The following FBXL20 variants were observed in gnomAD, a reference collection of about 807,000 sequenced individuals.
The protein encoded by FBXL20 is F-box and leucine rich repeat protein 20.
FBXL20 carries 11 observed loss-of-function variants against 64.0 expected under a neutral mutation model. The observed-to-expected ratio is 0.17, with a 90% CI of 0.11 to 0.28. The LOEUF (loss-of-function observed/expected upper bound fraction) is 0.28. Among genes scored for constraint, FBXL20 ranks in the 10% least tolerant of loss-of-function variants. FBXL20 has a pLI of 1.00. For missense variants in FBXL20, 303 were observed against 526.2 expected, an observed-to-expected ratio of 0.58 and a Z score of 4.15; for synonymous variants, 184 against 189.0, an observed-to-expected ratio of 0.97 and a Z score of 0.22.
intron 9 of FBXL20, among the ~76,000 whole-genome samples, chr17:39,275,915 A>C (rs912545313): frequency 6.6e-6 from 1 of 152,102 alleles, no homozygotes; most frequent in Non-Finnish European, 1.5e-5. Flanking sequence ...TTATAGATAA[A>C]AGAGTTGTAT....
chr17:39,317,970 GATT>G (rs907586440), intron 2 of FBXL20, among the ~76,000 whole-genome samples: 18 of 152,180 alleles, frequency 1.2e-4, no homozygotes, highest in African/African-American at 4.3e-4. Flanking sequence ...AAAGTGCTGG[GATT>G]ACAGGCGTGA....
intron 2 of FBXL20, among the ~76,000 whole-genome samples, chr17:39,335,341 C>T (rs1042089910): frequency 6.6e-6 from 1 of 151,620 alleles, no homozygotes; most frequent in Non-Finnish European, 1.5e-5. Context: ...TGGGTTGATG[C>T]ACCTAAACAA....
chr17:39,356,624 A>G (rs2047743653), intron 1 of FBXL20, among the ~76,000 whole-genome samples: 1 of 151,806 alleles, frequency 6.6e-6, no homozygotes, highest in Admixed American at 6.6e-5. Context: ...CCAGGCGGCT[A>G]GGATTATAGG....
intron 10 of FBXL20, among the ~76,000 whole-genome samples, chr17:39,271,467 G>A (rs754002222): frequency 7.2e-5 from 11 of 151,834 alleles, no homozygotes; most frequent in African/African-American, 2.4e-5. Flanking sequence ...GCGTGGTGGC[G>A]GGTGCCTGTA....
At chr17:39,387,033 A>AT (rs1263516305) in intron 1 of FBXL20, among the ~76,000 whole-genome samples, 1 of 152,184 alleles carries the variant, frequency 6.6e-6, no homozygotes, top group African/African-American at 2.4e-5. Context: ...TTAACTTAAG[A>AT]TTTTTTGACG....
Position 39,372,046 on chromosome 17 carries a change from G to A in FBXL20, c.43-28805C>T, listed in dbSNP as rs79604573. Reference sequence around the variant, plus strand: ...AATCATGACCTGCCTCTTGCCAGTAGTCTCCTGAAGCACTTGGGTTTGACC... The same window carrying A: ...AATCATGACCTGCCTCTTGCCAGTAATCTCCTGAAGCACTTGGGTTTGACC... On this transcript the variant is annotated intron_variant, in intron 1 of 14. Transcript: ENST00000264658. Among the ~76,000 whole-genome samples, 1,204 of 152,194 alleles carry A rather than the reference G, an allele frequency of 7.9e-3. 15 individuals are homozygous for A. Among genetic ancestry groups the A allele is most frequent in the African/African-American group, 0.028 (1,158 of 41,520 alleles).
At chr17:39,269,582 T>G (rs1341968018) in intron 11 of FBXL20, among the ~76,000 whole-genome samples, 1 of 142,690 alleles carries the variant, frequency 7.0e-6, no homozygotes, top group Admixed American at 7.4e-5. Context: ...CACTGCAACC[T>G]CCGCCTCCCG....
chr17:39,391,022 G>A (rs150212291), intron 1 of FBXL20, among the ~76,000 whole-genome samples: 45 of 152,234 alleles, frequency 3.0e-4, no homozygotes, highest in African/African-American at 8.9e-4. Flanking sequence ...CAGCTTGTGC[G>A]ACAGAGCAAG....
At chr17:39,358,937 C>T (rs1205828407) in intron 1 of FBXL20, among the ~76,000 whole-genome samples, 2 of 152,012 alleles carry the variant, frequency 1.3e-5, no homozygotes, top group African/African-American at 2.4e-5. Context: ...TACAAGGGAC[C>T]GATAAGCACA....
At chr17:39,304,427 A>G (rs1215165979) in intron 2 of FBXL20, among the ~76,000 whole-genome samples, 1 of 152,128 alleles carries the variant, frequency 6.6e-6, no homozygotes, top group East Asian at 1.9e-4. Context: ...AGCTGGGATA[A>G]CAGGCACATG....
intron 3 of FBXL20, among the ~76,000 whole-genome samples, chr17:39,302,086 T>C (rs956511931): frequency 1.3e-5 from 2 of 152,028 alleles, no homozygotes; most frequent in Non-Finnish European, 2.9e-5. Flanking sequence ...CTTAAAAATA[T>C]GATCCTTAAA....
chr17:39,287,732 T>C (rs2047001320), intron 6 of FBXL20, among the ~76,000 whole-genome samples: 2 of 152,086 alleles, frequency 1.3e-5, no homozygotes, highest in Non-Finnish European at 2.9e-5. Context: ...GGTAGAGTCC[T>C]AGGAATGAAA....
At chr17:39,302,650 G>A (rs973010339) in intron 3 of FBXL20, among the ~76,000 whole-genome samples, 2 of 152,170 alleles carry the variant, frequency 1.3e-5, no homozygotes, top group African/African-American at 2.4e-5. Flanking sequence ...TGGGATTACA[G>A]GCGTGAGCCA....
chr17:39,280,399 CTCAAAAAAAAAAAAAAAAAAAAAG>C (rs1241782297), intron 9 of FBXL20, among the ~76,000 whole-genome samples: 1 of 48,828 alleles, frequency 2.0e-5, no homozygotes, highest in Admixed American at 2.1e-4. Context: ...GAGACTCTGT[CTCAAAAAAAAAAAAAAAAAAAAAG>C]TAGCTGGGTG....
intron 2 of FBXL20, among the ~76,000 whole-genome samples, chr17:39,333,177 G>T (rs910991901): frequency 6.6e-6 from 1 of 151,756 alleles, no homozygotes; most frequent in Non-Finnish European, 1.5e-5. Flanking sequence ...CTCTTTGCAC[G>T]GTCTCCCTCT....
intron 1 of FBXL20, among the ~76,000 whole-genome samples, chr17:39,399,144 C>T (rs1336153348): frequency 6.6e-6 from 1 of 152,098 alleles, no homozygotes; most frequent in Non-Finnish European, 1.5e-5. Flanking sequence ...GAAAAATAAA[C>T]CTTACGTAGC....
chr17:39,281,539 T>C (rs1164574123), intron 8 of FBXL20, 76 bp from the exon 9 acceptor site: 2 of 1,264,266 alleles, frequency 1.6e-6, no homozygotes, highest in Non-Finnish European at 2.3e-6. Flanking sequence ...AATGTACACA[T>C]TCATTCATAC....
intron 10 of FBXL20, among the ~76,000 whole-genome samples, chr17:39,272,718 A>AGAAAG (rs58951166): frequency 1.2e-3 from 93 of 79,874 alleles, no homozygotes; most frequent in African/African-American, 1.7e-3. Flanking sequence ...AAAAAAAAAA[A>AGAAAG]AAAGAAAGAA....
chr17:39,333,374 T>C (rs1038037831), intron 2 of FBXL20, among the ~76,000 whole-genome samples: 1 of 152,248 alleles, frequency 6.6e-6, no homozygotes, highest in Non-Finnish European at 1.5e-5. Flanking sequence ...CTCCAGCTCC[T>C]GACCGCGAGT....
Sources: gnomAD v4.1 joint callset for allele counts (sites outside exome capture counted in the v4.1 genomes callset) on GRCh38, gnomAD v4.1.1 for gene constraint, MANE v1.5 for transcripts, NCBI Gene and HGNC (gene_info 2026-07-23, HGNC 2026-07-21) for gene names.